DPH6: variants seen among roughly 807,000 people sequenced by gnomAD.
The protein encoded by DPH6 is diphthamine biosynthesis 6.
Under a neutral mutation model 38.2 loss-of-function variants are expected in DPH6, and 33 were observed. The observed-to-expected ratio is 0.86, with a 90% CI of 0.65 to 1.15. DPH6 has a LOEUF of 1.15. Ranked by LOEUF, DPH6 falls within the 50% of genes most tolerant of loss-of-function variation. The pLI is 0.00. For synonymous variants in DPH6, 108 were observed against 103.0 expected (o/e 1.05, Z -0.30); for missense variants, 325 against 320.0 (o/e 1.02, Z -0.12).
At chr15:35,404,081 T>C (rs907678039) in intron 6 of DPH6, among the ~76,000 whole-genome samples, 1 of 152,168 alleles carries the variant, frequency 6.6e-6, no homozygotes, top group Non-Finnish European at 1.5e-5. Context: ...GGCTGAACAG[T>C]ACTCCATAGT....
rs529559873 is a variant in DPH6 at position 35,472,317 on chromosome 15, A to G, written c.313-17497T>C. The stretch of plus-strand genomic sequence containing the variant: ...GTTACTATCCTTTGCCTGCTGGGAC[A>G]AAGAGTTTACTGGAACCCAGGAACC... On this transcript the variant is annotated intron_variant, in intron 3 of 8. Transcript: ENST00000256538. 3.3e-5 allele frequency among the ~76,000 whole-genome samples: 5 copies of G among 152,344 alleles called. No individual in the cohort carries two copies. The South Asian group carries it at 8.3e-4, about 25-fold the overall frequency.
chr15:35,181,246 T>C, the DPH6 span, among the ~76,000 whole-genome samples: 4 of 152,048 alleles, frequency 2.6e-5, no homozygotes, highest in African/African-American at 7.2e-5. Flanking sequence ...CATTGTCACA[T>C]TACTCATGCC....
chr15:35,496,565 A>ATATATATATATATAT (rs1467883229), intron 3 of DPH6, among the ~76,000 whole-genome samples: 219 of 19,994 alleles, frequency 0.011, no homozygotes, highest in Admixed American at 0.025. Flanking sequence ...CAAAAAAAAA[A>ATATATATATATATAT]AAATATATAT....
At chr15:35,492,821 C>G (rs2054502625) in intron 3 of DPH6, among the ~76,000 whole-genome samples, 1 of 151,924 alleles carries the variant, frequency 6.6e-6, no homozygotes, top group Non-Finnish European at 1.5e-5. Context: ...CATATGGCAC[C>G]AGGGTCAGAA....
At chr15:35,460,058 A>C (rs2054044558) in intron 3 of DPH6, among the ~76,000 whole-genome samples, 1 of 152,204 alleles carries the variant, frequency 6.6e-6, no homozygotes, top group African/African-American at 2.4e-5. Flanking sequence ...TCTTACTGAC[A>C]TAGTACCATA....
At chr15:35,193,845 A>C in the DPH6 span, among the ~76,000 whole-genome samples, 1 of 152,178 alleles carries the variant, frequency 6.6e-6, no homozygotes, top group Admixed American at 6.5e-5. Flanking sequence ...GACTTTCAAG[A>C]AGGGAAGACA....
chr15:35,200,530 T>C, the DPH6 span, among the ~76,000 whole-genome samples: 1 of 152,124 alleles, frequency 6.6e-6, no homozygotes, highest in Admixed American at 6.6e-5. Flanking sequence ...TAATTAGTTA[T>C]TTCTTTAGTC....
chr15:35,486,098 G>T (rs554311101), intron 3 of DPH6, among the ~76,000 whole-genome samples: 319 of 152,314 alleles, frequency 2.1e-3, no homozygotes, highest in African/African-American at 7.2e-3. Flanking sequence ...GTTCCACTTT[G>T]TTGGGAAAGC....
At chr15:35,396,415 A>C (rs1456421233) in intron 6 of DPH6, 1 of 150,842 alleles carries the variant, frequency 6.6e-6, no homozygotes, top group African/African-American at 2.4e-5. Context: ...TTTGCCCTTC[A>C]ATACTCAAAA....
At chr15:35,303,882 T>A (rs1324065483) in intron 3 of DPH6, among the ~76,000 whole-genome samples, 3 of 151,864 alleles carry the variant, frequency 2.0e-5, no homozygotes, top group African/African-American at 4.8e-5. Flanking sequence ...TCATTTATAC[T>A]CTAAGGCCCT....
intron 5 of DPH6, among the ~76,000 whole-genome samples, chr15:35,425,291 C>T (rs778209480): frequency 6.6e-5 from 10 of 151,410 alleles, no homozygotes; most frequent in Non-Finnish European, 1.0e-4. Context: ...AATCTGACTA[C>T]TACATAGAGA....
intron 6 of DPH6, chr15:35,401,549 G>A (rs955082210): frequency 6.5e-6 from 5 of 771,692 alleles, no homozygotes; most frequent in Non-Finnish European, 1.2e-5. Flanking sequence ...GGCTTTGGTG[G>A]TGGTAGTGGA....
intron 3 of DPH6, among the ~76,000 whole-genome samples, chr15:35,537,091 TCAAA>T (rs1324267569): frequency 6.6e-6 from 1 of 152,138 alleles, no homozygotes; most frequent in Non-Finnish European, 1.5e-5. Context: ...ACTATTTTAG[TCAAA>T]CAAATTTTAA....
At chr15:35,338,054 A>G (rs565834240) in intron 3 of DPH6, among the ~76,000 whole-genome samples, 5 of 151,964 alleles carry the variant, frequency 3.3e-5, no homozygotes, top group African/African-American at 1.2e-4. Flanking sequence ...AGACTTAAAC[A>G]TTAGACCTAA....
chr15:35,156,478 G>A, the DPH6 span, among the ~76,000 whole-genome samples: 1 of 152,060 alleles, frequency 6.6e-6, no homozygotes, highest in Non-Finnish European at 1.5e-5. Context: ...ACTTTAAAAT[G>A]TTCTCCAAAC....
chr15:35,284,526 A>T lies in DPH6; in HGVS notation n.201-63944T>A, dbSNP rs529945386. On this transcript the variant is annotated intron_variant and non_coding_transcript_variant, in intron 3 of 3. Transcript: ENST00000560386. ...AGTGAGAGCACTTACTGTTTTATTT[A>T]TTTACCTTATAACTTCAGAAATATT... Among the ~76,000 whole-genome samples, 602 of 151,584 alleles carry T rather than the reference A, an allele frequency of 4.0e-3. 3 individuals carry two copies. The highest frequency in any genetic ancestry group is 6.8e-3 in the Non-Finnish European group (459 of 67,892).
At chr15:35,387,815 C>T (rs1398631645) in intron 6 of DPH6, among the ~76,000 whole-genome samples, 1 of 152,134 alleles carries the variant, frequency 6.6e-6, no homozygotes, top group African/African-American at 2.4e-5. Flanking sequence ...TGTTCTTTTC[C>T]TAATTGAATG....
At chr15:35,495,773 A>G (rs768472740) in intron 3 of DPH6, among the ~76,000 whole-genome samples, 2 of 152,212 alleles carry the variant, frequency 1.3e-5, no homozygotes, top group African/African-American at 2.4e-5. Context: ...AAGGAATTAC[A>G]TTGGAGAAAT....
intron 3 of DPH6, among the ~76,000 whole-genome samples, chr15:35,234,097 T>C (rs1263576963): frequency 6.6e-6 from 1 of 152,204 alleles, no homozygotes; most frequent in Non-Finnish European, 1.5e-5. Context: ...GTACCTGGTA[T>C]ATATGGGGTA....
Sources: gnomAD v4.1 joint callset for allele counts (sites outside exome capture counted in the v4.1 genomes callset) on GRCh38, gnomAD v4.1.1 for gene constraint, MANE v1.5 for transcripts, NCBI Gene and HGNC (gene_info 2026-07-23, HGNC 2026-07-21) for gene names.